The following FMNL2 variants were observed in gnomAD, a reference collection of about 807,000 sequenced individuals.
FMNL2 encodes the protein formin-like protein 2.
A neutral mutation model predicts 130.2 loss-of-function variants in FMNL2; 51 were observed. That is an observed-to-expected ratio of 0.39 (90% CI 0.31 to 0.49). The LOEUF is 0.49. Among genes scored for constraint, FMNL2 ranks in the 20% least tolerant of loss-of-function variants. The probability of loss-of-function intolerance (pLI) is 0.85; values close to 1 mark genes in which losing one functional copy is unlikely to be tolerated. For missense variants in FMNL2, 977 were observed against 1,316.2 expected, an observed-to-expected ratio of 0.74 and a Z score of 3.99; for synonymous variants, 465 against 467.1, an observed-to-expected ratio of 1.00 and a Z score of 0.06.
chr2:152,364,261 GTTTTTTTTTTT>G (rs869062341), intron 1 of FMNL2, among the ~76,000 whole-genome samples: 10 of 24,464 alleles, frequency 4.1e-4, no homozygotes, highest in African/African-American at 1.1e-3. Flanking sequence ...AGGTTTGTGT[GTTTTTTTTTTT>G]TTTTTTTTTT....
chr2:152,520,411 A>C (rs1693021856), intron 1 of FMNL2, among the ~76,000 whole-genome samples: 1 of 152,034 alleles, frequency 6.6e-6, no homozygotes, highest in Non-Finnish European at 1.5e-5. Flanking sequence ...CCTGGCCAAC[A>C]TGGTGAAACC....
chr2:152,529,381 A>G (rs149981525), intron 2 of FMNL2, among the ~76,000 whole-genome samples: 69 of 152,316 alleles, frequency 4.5e-4, no homozygotes, highest in Middle Eastern at 6.8e-3. Flanking sequence ...GAAGAAAAAG[A>G]AAGGCATTTT....
At position 152,384,768 on chromosome 2, in the gene FMNL2, G is replaced by A. The variant is rs116689766; in HGVS notation, c.117+49048G>A. Among the ~76,000 whole-genome samples, 1,258 of 152,258 alleles carry A rather than the reference G, an allele frequency of 8.3e-3. 14 individuals carry two copies. The highest frequency in any genetic ancestry group is 0.029 in the African/African-American group (1,207 of 41,530). ...TCTGGTGGGGGCCATTATATTTTCA[G>A]CTAAGATTGGCCTTCCCTGGTCCAG... On this transcript the variant is annotated intron_variant, in intron 1 of 25. Coordinates refer to ENST00000288670, the MANE Select transcript of FMNL2 (RefSeq NM_052905.4).
intron 1 of FMNL2, among the ~76,000 whole-genome samples, chr2:152,412,482 AT>A (rs1558841039): frequency 4.4e-5 from 4 of 90,034 alleles, no homozygotes; most frequent in African/African-American, 1.1e-4. Flanking sequence ...ATATATATAT[AT>A]ATATATATAT....
At chr2:152,567,351 C>G (rs923040641) in intron 6 of FMNL2, among the ~76,000 whole-genome samples, 2 of 152,188 alleles carry the variant, frequency 1.3e-5, no homozygotes, top group Non-Finnish European at 2.9e-5. Flanking sequence ...TGATCTAGCT[C>G]TTATCTGGTC....
At chr2:152,613,940 T>C (rs553315735) in intron 11 of FMNL2, among the ~76,000 whole-genome samples, 2 of 152,306 alleles carry the variant, frequency 1.3e-5, no homozygotes, top group South Asian at 2.1e-4. Context: ...AGGCAGTGAA[T>C]TGGGGAAAGC....
chr2:152,383,143 G>A (rs1684576835), intron 1 of FMNL2, among the ~76,000 whole-genome samples: 1 of 152,066 alleles, frequency 6.6e-6, no homozygotes, highest in South Asian at 2.1e-4. Flanking sequence ...CAGAGAGAGA[G>A]GTAGTTTTAA....
intron 1 of FMNL2, among the ~76,000 whole-genome samples, chr2:152,404,128 C>T (rs1469503405): frequency 6.6e-6 from 1 of 152,192 alleles, no homozygotes; most frequent in Non-Finnish European, 1.5e-5. Flanking sequence ...ATACCCCCCG[C>T]CTTTTTTTTG....
intron 15 of FMNL2, chr2:152,622,460 T>C (rs896266448): frequency 4.4e-6 from 2 of 456,612 alleles, no homozygotes; most frequent in African/African-American, 4.0e-5. Flanking sequence ...GCTGAGTGCG[T>C]GAACTGCTGA....
At chr2:152,601,186 G>A (rs1558997789) in intron 9 of FMNL2, among the ~76,000 whole-genome samples, 2 of 151,940 alleles carry the variant, frequency 1.3e-5, no homozygotes, top group South Asian at 2.1e-4. Context: ...TCCCTTTCTC[G>A]GCCAAGCCCC....
At position 152,412,443 on chromosome 2, in the gene FMNL2, A is replaced by ATT. The variant is rs1268798867; in HGVS notation, c.117+76726_117+76727dup. Among the ~76,000 whole-genome samples, 843 of 91,912 alleles carry ATT rather than the reference A, an allele frequency of 9.2e-3. 22 individuals are homozygous for ATT. The highest frequency in any genetic ancestry group is 0.028 in the East Asian group (68 of 2,414). 60.3% of individuals were successfully genotyped at this position (91,912 alleles called of 152,430 possible). On this transcript the variant is annotated intron_variant, in intron 1 of 25. Coordinates refer to ENST00000288670, the MANE Select transcript of FMNL2 (RefSeq NM_052905.4). Reference sequence around the variant, plus strand: ...TATTTCCTCTTACTTTCTTCTGTATATTTTATATATATATATATATATATA... The same window carrying ATT: ...TATTTCCTCTTACTTTCTTCTGTATATTTTTTATATATATATATATATATATA...
At chr2:152,543,272 C>A (rs545040452) in intron 3 of FMNL2, among the ~76,000 whole-genome samples, 2 of 152,176 alleles carry the variant, frequency 1.3e-5, no homozygotes, top group African/African-American at 2.4e-5. Context: ...CCTACTCCCC[C>A]CAACCCCTGC....
rs1696748267 is a variant in FMNL2 at position 152,581,025 on chromosome 2, A to G, written c.852A>G (p.Leu284=). 2 of 1,613,888 alleles carry G rather than the reference A, an allele frequency of 1.2e-6. No individual in the cohort carries two copies. Among genetic ancestry groups the G allele is most frequent in the Non-Finnish European group, 1.7e-6 (2 of 1,179,838 alleles). The change falls in exon 9 of 26, where the codon TTA becomes TTG. Residue 284 remains leucine, a synonymous_variant. Coordinates refer to ENST00000288670, the MANE Select transcript of FMNL2 (RefSeq NM_052905.4). The stretch of plus-strand genomic sequence containing the variant: ...TCAGAGGCGGGCATGAAATCATTTT[A>G]TCAGCATTTGATAACTTTAAAGAGG... ...CLVRGGHEII[L]SAFDNFKEVC... is the part of the protein sequence containing the mutation.
chr2:152,546,226 C>G (rs573801379), intron 3 of FMNL2, among the ~76,000 whole-genome samples: 18 of 152,208 alleles, frequency 1.2e-4, no homozygotes, highest in African/African-American at 3.6e-4. Flanking sequence ...ATACTTAAGG[C>G]TAGGTAATTT....
intron 2 of FMNL2, among the ~76,000 whole-genome samples, chr2:152,522,492 C>CT (rs1558935332): frequency 6.6e-6 from 1 of 151,904 alleles, no homozygotes; most frequent in African/African-American, 2.4e-5. Flanking sequence ...GGCTGTGTCC[C>CT]CACTCAAATC....
chr2:152,630,864 G>A (rs1313481770), intron 20 of FMNL2, among the ~76,000 whole-genome samples: 2 of 152,140 alleles, frequency 1.3e-5, no homozygotes, highest in Non-Finnish European at 2.9e-5. Context: ...AATTAGAGCC[G>A]TCCTGCTTTT....
chr2:152,452,072 T>G (rs1047937369), intron 1 of FMNL2, among the ~76,000 whole-genome samples: 17 of 152,280 alleles, frequency 1.1e-4, no homozygotes, highest in African/African-American at 4.1e-4. Flanking sequence ...TTGACCTAAT[T>G]GTATGGCTCC....
rs188885298 is a variant in FMNL2, at chr2:152,619,366, A to G, written c.1628-143A>G. 43 of 1,382,406 alleles carry G rather than the reference A, an allele frequency of 3.1e-5. No individual in the cohort carries two copies. In the East Asian group the frequency reaches 7.5e-4, roughly 24 times the overall value. 85.6% of individuals were successfully genotyped at this position (1,382,406 alleles called of 1,614,324 possible). On this transcript the variant is annotated intron_variant, in intron 14 of 25. Coordinates refer to ENST00000288670, the MANE Select transcript of FMNL2 (RefSeq NM_052905.4). ...GTTGAAATATTTTTCCCACATGTCA[A>G]TGAGGACATTTTTTGGTTTTTGAAA...
At chr2:152,600,463 T>TA (rs1443134782) in intron 9 of FMNL2, among the ~76,000 whole-genome samples, 1 of 152,190 alleles carries the variant, frequency 6.6e-6, no homozygotes, top group African/African-American at 2.4e-5. Flanking sequence ...CAGAGACTGT[T>TA]ACTCACCTTG....
Sources: allele counts gnomAD v4.1 joint callset (sites outside exome capture counted in the v4.1 genomes callset), GRCh38; gene constraint gnomAD v4.1.1; transcripts MANE v1.5; gene names NCBI Gene and HGNC (gene_info 2026-07-23, HGNC 2026-07-21).